Variants in MAP4 observed in about 807,000 individuals in gnomAD.
MAP4 encodes the protein microtubule associated protein 4, also known as microtubule-associated protein 4.
In MAP4, 76 loss-of-function variants were observed where a neutral mutation model predicts 170.2. That is an observed-to-expected ratio of 0.45 (90% confidence interval 0.37 to 0.54). MAP4 has a LOEUF of 0.54. Among genes scored for constraint, MAP4 ranks in the 20% least tolerant of loss-of-function variants. The pLI is 0.00. For synonymous variants in MAP4, 909 were observed against 994.5 expected, an observed-to-expected ratio of 0.91 and a Z score of 1.62; for missense variants, 2,506 against 2,748.0, an observed-to-expected ratio of 0.91 and a Z score of 1.97.
At chr3:48,034,004 A>T (rs2100117514) in intron 1 of MAP4, among the ~76,000 whole-genome samples, 1 of 152,244 alleles carries the variant, frequency 6.6e-6, no homozygotes, top group Non-Finnish European at 1.5e-5. Context: ...ATGCCCTCAT[A>T]TCAAGTGTAT....
intron 11 of MAP4, 182 bp downstream of exon 11, chr3:47,877,235 A>G (rs2095626390): frequency 3.6e-6 from 2 of 550,768 alleles, no homozygotes; most frequent in South Asian, 4.2e-5. Context: ...GAGATTTTAA[A>G]GTTGGTTTAG....
At position 47,909,424 on chromosome 3, in the gene MAP4, T is replaced by C. The variant is rs1231551103; in HGVS notation, c.4997A>G (p.Glu1666Gly). ...ACTAATTTCTTTCAATTTATCATTT[T>C]CACTTTTTGGAGACAAAAGAGTCAG... ...VDLTLLSPKS[E>G]NDKLKEISLA... The change falls in exon 9 of 21, where the codon GAA becomes GGA. Residue 1666 changes from glutamate to glycine, a missense_variant. Coordinates refer to ENST00000683076, the MANE Select transcript of MAP4 (RefSeq NM_001385682.1). 1.2e-6 allele frequency: 2 copies of C among 1,613,434 alleles called. No individual in the cohort carries two copies. The highest frequency in any genetic ancestry group is 8.5e-7 in the Non-Finnish European group (1 of 1,179,592).
intron 9 of MAP4, among the ~76,000 whole-genome samples, chr3:47,907,063 G>A (rs1288011793): frequency 1.3e-5 from 2 of 152,140 alleles, no homozygotes; most frequent in African/African-American, 4.8e-5. Flanking sequence ...TCGAACTCCT[G>A]ACCTCAGGTG....
intron 2 of MAP4, among the ~76,000 whole-genome samples, chr3:47,985,554 G>A (rs1404496628): frequency 1.3e-5 from 2 of 152,182 alleles, no homozygotes; most frequent in African/African-American, 4.8e-5. Context: ...GACATCATGT[G>A]CTTCCTGATG....
intron 9 of MAP4, among the ~76,000 whole-genome samples, chr3:47,904,696 C>T (rs2100031938): frequency 6.6e-6 from 1 of 151,432 alleles, no homozygotes; most frequent in African/African-American, 2.4e-5. Flanking sequence ...GAGTCTCACT[C>T]ACTCTATCGC....
At chr3:48,008,319 C>G (rs1438641471) in intron 1 of MAP4, among the ~76,000 whole-genome samples, 1 of 152,200 alleles carries the variant, frequency 6.6e-6, no homozygotes, top group African/African-American at 2.4e-5. Context: ...TTAGGGCCTG[C>G]TTCACAGACG....
At chr3:48,066,922 G>T (rs2100138599) in intron 1 of MAP4, among the ~76,000 whole-genome samples, 1 of 122,644 alleles carries the variant, frequency 8.2e-6, no homozygotes, top group Non-Finnish European at 1.6e-5. Flanking sequence ...CTCACTGCAA[G>T]CTCCGCCTCC....
intron 9 of MAP4, among the ~76,000 whole-genome samples, chr3:47,903,305 G>A (rs931741958): frequency 6.6e-5 from 10 of 152,166 alleles, no homozygotes; most frequent in African/African-American, 1.4e-4. Context: ...AGGCCAAGGC[G>A]GGCGGATCAC....
Position 47,871,043 on chromosome 3 carries a change from C to T in MAP4, c.6064G>A (p.Gly2022Arg), listed in dbSNP as rs1416777777. The change falls in exon 15 of 21, where the codon GGG (glycine) becomes AGG (arginine). Residue 2022 changes from glycine to arginine, a missense_variant. Physicochemically the swap from Gly to Arg is moderately radical, Grantham distance 125. Around this residue, in one of 3 missense-constraint regions of MAP4, gnomAD observed 487 missense variants for 511.6 expected, o/e 0.95. Transcript: ENST00000683076. ...ACCACCCCTGCAGCGGGGGCTGTCC[C>T]ACTGAGAGTGGTGGTTTTCTTCATG... The part of the protein sequence containing the change: ...SSMKKTTTLS[G>R]TAPAAGVVPS... 6.2e-7 allele frequency: 1 copy of T among 1,613,338 alleles called. No individual in the cohort carries two copies. The highest frequency in any genetic ancestry group is 1.7e-5 in the Admixed American group (1 of 59,972).
At chr3:48,051,051 T>C (rs1180243162) in intron 1 of MAP4, among the ~76,000 whole-genome samples, 1 of 151,948 alleles carries the variant, frequency 6.6e-6, no homozygotes, top group Non-Finnish European at 1.5e-5. Flanking sequence ...TCACAGTCTA[T>C]GCAAATGCTA....
intron 3 of MAP4, chr3:47,973,772 TGAAAAGATCCC>T: frequency 1.0e-6 from 1 of 985,440 alleles, no homozygotes; most frequent in South Asian, 4.7e-5. Flanking sequence ...CTACCAGTTT[TGAAAAGATCCC>T]TGGCGAAAGA....
At position 47,966,228 on chromosome 3, in the gene MAP4, C is replaced by CTTTTTTTT. The variant is rs757460367; in HGVS notation, c.292+11629_292+11636dup. 1.2e-3 allele frequency among the ~76,000 whole-genome samples: 58 copies of CTTTTTTTT among 50,262 alleles called. 13 individuals carry two copies. The highest frequency in any genetic ancestry group is 2.4e-3 in the African/African-American group (32 of 13,338). The allele number at this position is 50,262 out of a possible 152,430, so 33.0% of individuals were successfully genotyped here. On this transcript the variant is annotated intron_variant, in intron 3 of 20. Transcript: ENST00000683076. ...AGCTGGGACTACAGGCCCACACTAC[C>CTTTTTTTT]TTTTTTTTTTTTTTTTTTTTTTTTT... is the stretch of plus-strand genomic sequence containing the variant.
At chr3:47,926,357 T>A (rs2100045940) in intron 4 of MAP4, among the ~76,000 whole-genome samples, 1 of 151,020 alleles carries the variant, frequency 6.6e-6, no homozygotes, top group Non-Finnish European at 1.5e-5. Context: ...CTGATTTTTT[T>A]ATTTTTAGTA....
intron 1 of MAP4, among the ~76,000 whole-genome samples, chr3:48,015,271 CT>C (rs1173886259): frequency 1.7e-5 from 1 of 59,726 alleles, no homozygotes; most frequent in Non-Finnish European, 2.9e-5. Context: ...ATAGCCTGTC[CT>C]TTTTGGGTGG....
intron 1 of MAP4, among the ~76,000 whole-genome samples, chr3:48,056,554 C>T (rs1207793328): frequency 1.2e-4 from 12 of 99,238 alleles, no homozygotes; most frequent in Middle Eastern, 0.012. Context: ...TCTGCCCGGC[C>T]GCCCCTACTG....
rs2100122414 is a variant in MAP4, at chr3:48,042,917, C to T, written c.-19-44038G>A. 1.3e-5 allele frequency among the ~76,000 whole-genome samples: 2 copies of T among 152,010 alleles called. 1 individual carries two copies. The highest frequency in any genetic ancestry group is 1.3e-4 in the Admixed American group (2 of 15,250). ...ATATTAATCTGTGTATATAAAATAT[C>T]CAGAGTAGGTAAATTTATACAGAAA... On this transcript the variant is annotated intron_variant, in intron 1 of 18. Coordinates refer to the MAP4 transcript ENST00000360240.
chr3:47,914,878 T>C lies in MAP4; in HGVS notation c.1938A>G (p.Glu646=), dbSNP rs1421538934. Reference sequence around the variant, plus strand: ...TGCATGGTTTCCTTTCCCCTAGTTTTTCTAACACAGAATCCTCCTCGGCCG... The same window carrying C: ...TGCATGGTTTCCTTTCCCCTAGTTTCTCTAACACAGAATCCTCCTCGGCCG... ...SLPAEEDSVL[E]KLGERKPCNS... The change falls in exon 8 of 21, where the codon GAA becomes GAG. Residue 646 remains glutamate, a synonymous_variant. Transcript: ENST00000683076. 6.2e-7 allele frequency: 1 copy of C among 1,614,172 alleles called. No individual in the cohort carries two copies.
intron 10 of MAP4, among the ~76,000 whole-genome samples, chr3:47,885,217 G>A (rs2097368767): frequency 6.6e-6 from 1 of 152,100 alleles, no homozygotes. Flanking sequence ...GCCCAGCCAG[G>A]GATATGTAGG....
At chr3:47,898,706 G>A (rs545448280) in intron 10 of MAP4, among the ~76,000 whole-genome samples, 1 of 152,304 alleles carries the variant, frequency 6.6e-6, no homozygotes, top group Non-Finnish European at 1.5e-5. Context: ...CAGCACTTTA[G>A]AAGGGTTAGG....
Sources: gnomAD v4.1 joint callset for allele counts (sites outside exome capture counted in the v4.1 genomes callset) on GRCh38, gnomAD v4.1.1 for gene constraint, gnomAD v4.1.1 regional missense constraint, MANE v1.5 for transcripts, NCBI Gene and HGNC (gene_info 2026-07-23, HGNC 2026-07-21) for gene names.